The following CTNNA3 variants were observed in gnomAD, a reference collection of about 807,000 sequenced individuals.
CTNNA3 encodes the protein catenin alpha-3.
CTNNA3 carries 76 observed loss-of-function variants against 95.7 expected under a neutral mutation model. That is an observed-to-expected ratio of 0.79 (90% CI 0.66 to 0.96). The LOEUF is 0.96. CTNNA3 is among the 40% of genes least tolerant of loss of function. The pLI, the probability that CTNNA3 is intolerant of heterozygous loss-of-function variation, is 0.00. For synonymous variants in CTNNA3, 431 were observed against 374.4 expected, an observed-to-expected ratio of 1.15 and a Z score of -1.74; for missense variants, 1,191 against 1,089.8, an observed-to-expected ratio of 1.09 and a Z score of -1.31.
intron 5 of CTNNA3, among the ~76,000 whole-genome samples, chr10:67,272,017 T>C (rs1328721438): frequency 1.3e-5 from 2 of 152,142 alleles, no homozygotes; most frequent in African/African-American, 4.8e-5. Flanking sequence ...GTAACATTGT[T>C]TATGGCCCAC....
chr10:66,693,963 T>A (rs955037530), intron 9 of CTNNA3, among the ~76,000 whole-genome samples: 3 of 150,650 alleles, frequency 2.0e-5, no homozygotes, highest in African/African-American at 7.3e-5. Flanking sequence ...TTCAAAGCAG[T>A]GTGTAGAGGG....
At chr10:66,657,390 T>A (rs777599636) in intron 9 of CTNNA3, among the ~76,000 whole-genome samples, 9 of 152,192 alleles carry the variant, frequency 5.9e-5, no homozygotes, top group Non-Finnish European at 1.2e-4. Context: ...TTTGTTTACC[T>A]GTTTGTGTAG....
chr10:67,710,773 G>A (rs887220906), intron 1 of CTNNA3, among the ~76,000 whole-genome samples: 3 of 152,114 alleles, frequency 2.0e-5, no homozygotes, highest in African/African-American at 7.2e-5. Flanking sequence ...GGAAAATTAG[G>A]GAAATAATCT....
At position 67,647,498 on chromosome 10, in the gene CTNNA3, G is replaced by T; in HGVS notation, c.16C>A (p.Pro6Thr). ...TGAGGATCGATATTCAATGTGATTG[G>T]TGTTTCAGCTGACATGCTGCCTGTG... is the stretch of plus-strand genomic sequence containing the variant. Reference protein sequence around the residue: MSAETPITLNIDPQDL... With the variant: MSAETTITLNIDPQDL... The change falls in exon 2 of 18, where the codon CCA becomes ACA. Residue 6 changes from proline (P) to threonine (T), a missense_variant. Transcript: ENST00000433211. 2 of 1,613,134 alleles carry T rather than the reference G, an allele frequency of 1.2e-6. No homozygotes were observed. The highest frequency in any genetic ancestry group is 1.1e-5 in the South Asian group (1 of 91,018).
chr10:66,383,667 A>G (rs2092861949), intron 11 of CTNNA3, among the ~76,000 whole-genome samples: 1 of 152,186 alleles, frequency 6.6e-6, no homozygotes, highest in Non-Finnish European at 1.5e-5. Context: ...GGTTGAAATT[A>G]AGGGAAAAGT....
At chr10:67,260,408 A>G (rs1219175846) in intron 5 of CTNNA3, among the ~76,000 whole-genome samples, 1 of 152,232 alleles carries the variant, frequency 6.6e-6, no homozygotes, top group Non-Finnish European at 1.5e-5. Flanking sequence ...AAATTTGGCA[A>G]CAAATATAAA....
chr10:66,739,577 C>A (rs1156899594), intron 9 of CTNNA3, among the ~76,000 whole-genome samples: 1 of 152,050 alleles, frequency 6.6e-6, no homozygotes, highest in Non-Finnish European at 1.5e-5. Flanking sequence ...ATGCATTTTA[C>A]TATTAGATTT....
At chr10:66,251,999 T>G (rs2090572254) in intron 13 of CTNNA3, among the ~76,000 whole-genome samples, 1 of 152,204 alleles carries the variant, frequency 6.6e-6, no homozygotes, top group Non-Finnish European at 1.5e-5. Flanking sequence ...TTAACCATTA[T>G]TAAGATCAGT....
chr10:65,946,109 C>T (rs184024196), intron 17 of CTNNA3, among the ~76,000 whole-genome samples: 95 of 152,178 alleles, frequency 6.2e-4, no homozygotes, highest in African/African-American at 2.3e-3. Flanking sequence ...AGTTGTTAGA[C>T]CTCTTTAAGT....
At chr10:66,729,656 G>T (rs542513998) in intron 9 of CTNNA3, among the ~76,000 whole-genome samples, 5 of 152,236 alleles carry the variant, frequency 3.3e-5, no homozygotes, top group African/African-American at 1.2e-4. Context: ...GGTGGAAGGG[G>T]GCGAGGGATA....
At chr10:67,717,100 G>A (rs771427000) in intron 1 of CTNNA3, among the ~76,000 whole-genome samples, 13 of 151,962 alleles carry the variant, frequency 8.6e-5, no homozygotes, top group African/African-American at 3.1e-4. Context: ...TCACATGTTT[G>A]TTGGCCAATA....
chr10:66,238,247 G>A (rs947364820), intron 13 of CTNNA3, among the ~76,000 whole-genome samples: 1 of 151,924 alleles, frequency 6.6e-6, no homozygotes, highest in Admixed American at 6.6e-5. Context: ...GGTACATCAG[G>A]TTATAAATAT....
chr10:67,585,555 A>G (rs1169775279), intron 3 of CTNNA3, among the ~76,000 whole-genome samples: 1 of 152,036 alleles, frequency 6.6e-6, no homozygotes, highest in Admixed American at 6.6e-5. Context: ...TCCTGCTTCA[A>G]TCTTGGCAGG....
In CTNNA3 at chr10:67,212,458, G is replaced by T. The variant is rs146848688; in HGVS notation, c.843+7149C>A. On this transcript the variant is annotated intron_variant, in intron 6 of 17. Coordinates refer to ENST00000433211, the MANE Select transcript of CTNNA3 (RefSeq NM_013266.4). ...ATACGGCTTGCTCTTTTATGGTAAA[G>T]CTTTTTGTTTTGGTATCATTCATAT... 4.7e-3 allele frequency among the ~76,000 whole-genome samples: 712 copies of T among 151,934 alleles called. 8 individuals carry two copies. The highest frequency in any genetic ancestry group is 0.016 in the African/African-American group (675 of 41,522).
chr10:67,156,441 G>T (rs1216037089), intron 7 of CTNNA3, among the ~76,000 whole-genome samples: 3 of 150,648 alleles, frequency 2.0e-5, no homozygotes, highest in African/African-American at 7.3e-5. Context: ...TCTTAGTACT[G>T]GTTTTGCTGC....
chr10:66,525,175 T>C (rs1289879330), intron 10 of CTNNA3, among the ~76,000 whole-genome samples: 1 of 149,924 alleles, frequency 6.7e-6, no homozygotes, highest in African/African-American at 2.5e-5. Flanking sequence ...AGAGAGTCAA[T>C]AACATCAACA....
chr10:66,652,862 C>T (rs1435409826), intron 9 of CTNNA3, among the ~76,000 whole-genome samples: 1 of 151,906 alleles, frequency 6.6e-6, no homozygotes, highest in African/African-American at 2.4e-5. Flanking sequence ...TGTGATACAC[C>T]ACATTAACAG....
chr10:65,950,360 G>A (rs776040892), intron 17 of CTNNA3, among the ~76,000 whole-genome samples: 31 of 151,546 alleles, frequency 2.0e-4, no homozygotes, highest in Non-Finnish European at 4.1e-4. Context: ...AGATTTTGAC[G>A]CCAGCACTTT....
intron 7 of CTNNA3, among the ~76,000 whole-genome samples, chr10:67,086,442 T>A (rs1016121981): frequency 6.6e-6 from 1 of 152,046 alleles, no homozygotes; most frequent in African/African-American, 2.4e-5. Context: ...TATCAGTAAG[T>A]AATCATATCA....
Sources: allele counts gnomAD v4.1 joint callset (sites outside exome capture counted in the v4.1 genomes callset), GRCh38; gene constraint gnomAD v4.1.1; transcripts MANE v1.5; gene names NCBI Gene and HGNC (gene_info 2026-07-23, HGNC 2026-07-21).